The following CTNNA3 variants were observed in gnomAD, a reference collection of about 807,000 sequenced individuals.
CTNNA3 encodes the protein catenin alpha 3, also known as catenin alpha-3.
In CTNNA3, 76 loss-of-function variants were observed where a neutral mutation model predicts 95.7. The ratio of observed to expected loss-of-function variants is 0.79; its 90% CI spans 0.66 to 0.96. CTNNA3 has a LOEUF of 0.96. Among genes scored for constraint, CTNNA3 ranks in the 40% least tolerant of loss-of-function variants. The pLI is 0.00. For missense variants in CTNNA3, 1,191 were observed against 1,089.8 expected (o/e 1.09, Z -1.31); for synonymous variants, 431 against 374.4 (o/e 1.15, Z -1.74).
intron 8 of CTNNA3, among the ~76,000 whole-genome samples, chr10:66,767,840 T>C (rs1041281387): frequency 1.5e-4 from 23 of 152,216 alleles, no homozygotes; most frequent in African/African-American, 5.5e-4. Context: ...AGAAGCATTG[T>C]GAAATTTTCT....
chr10:65,949,742 C>T (rs1196178674), intron 17 of CTNNA3, among the ~76,000 whole-genome samples: 5 of 152,120 alleles, frequency 3.3e-5, no homozygotes, highest in South Asian at 4.2e-4. Context: ...CAGTTATTAG[C>T]GATTGGTTGT....
rs573563591 is a variant in CTNNA3 at position 67,641,331 on chromosome 10, G to A, written c.99+6084C>T. Among the ~76,000 whole-genome samples the A allele has an allele frequency of 2.0e-5, 3 of 152,222 alleles. No individual in the cohort carries two copies. The East Asian group carries it at 5.8e-4, about 29-fold the overall frequency. ...GATACCATCTCACACCAGTTAGAAT[G>A]GCAATCATTAAAAAGTCAGGAAAAA... On this transcript the variant is annotated intron_variant, in intron 2 of 17. Transcript: ENST00000433211.
At chr10:67,338,229 A>T (rs1842062034) in intron 5 of CTNNA3, among the ~76,000 whole-genome samples, 1 of 152,134 alleles carries the variant, frequency 6.6e-6, no homozygotes, top group South Asian at 2.1e-4. Context: ...GGCTTCAGTG[A>T]GCTTACAGTC....
rs186720910 is a variant in CTNNA3, at chr10:67,141,195, T to C, written c.1047+39122A>G. 5.0e-4 allele frequency among the ~76,000 whole-genome samples: 76 copies of C among 152,334 alleles called. 1 individual carries two copies. The highest frequency in any genetic ancestry group is 1.8e-3 in the African/African-American group (75 of 41,576). On this transcript the variant is annotated intron_variant, in intron 7 of 17. Coordinates refer to ENST00000433211, the MANE Select transcript of CTNNA3 (RefSeq NM_013266.4). ...GCTCTGTCATTTAACCATAGTCTAATTATCCAGCTCTATATATTACCATAA... is the reference window on the plus strand; with the variant it reads ...GCTCTGTCATTTAACCATAGTCTAACTATCCAGCTCTATATATTACCATAA...
At chr10:67,085,214 C>T (rs17280801) in intron 7 of CTNNA3, among the ~76,000 whole-genome samples, 1 of 151,740 alleles carries the variant, frequency 6.6e-6, no homozygotes, top group Non-Finnish European at 1.5e-5. Flanking sequence ...TTGTTTTGAT[C>T]AAAGCCATAG....
intron 7 of CTNNA3, among the ~76,000 whole-genome samples, chr10:66,840,676 C>T (rs1843037331): frequency 6.6e-6 from 1 of 152,126 alleles, no homozygotes; most frequent in African/African-American, 2.4e-5. Context: ...TATTTGCTTT[C>T]AATGTAGAAT....
intron 7 of CTNNA3, among the ~76,000 whole-genome samples, chr10:67,079,859 ACAC>A (rs1856956898): frequency 3.2e-4 from 1 of 3,152 alleles, no homozygotes; most frequent in East Asian, 0.017. Flanking sequence ...AAAAAACAAA[ACAC>A]ACACACACAC....
chr10:66,838,655 C>T (rs554119267), intron 7 of CTNNA3, among the ~76,000 whole-genome samples: 6 of 152,088 alleles, frequency 3.9e-5, no homozygotes, highest in African/African-American at 9.7e-5. Flanking sequence ...CTAGCCTTTA[C>T]GGTTCTCTAG....
intron 5 of CTNNA3, among the ~76,000 whole-genome samples, chr10:67,342,655 T>C (rs1842254517): frequency 6.6e-6 from 1 of 152,206 alleles, no homozygotes; most frequent in Non-Finnish European, 1.5e-5. Flanking sequence ...CTTCTGTACA[T>C]GGATATCCAG....
intron 7 of CTNNA3, among the ~76,000 whole-genome samples, chr10:67,136,717 T>C (rs1230995542): frequency 5.3e-5 from 8 of 152,268 alleles, no homozygotes; most frequent in Middle Eastern, 3.4e-3. Context: ...CCTCCAACTA[T>C]ACTGAACTTC....
At chr10:67,338,119 A>T (rs1842058962) in intron 5 of CTNNA3, among the ~76,000 whole-genome samples, 1 of 152,190 alleles carries the variant, frequency 6.6e-6, no homozygotes, top group Non-Finnish European at 1.5e-5. Flanking sequence ...CTGTAAAGAA[A>T]TACCCAAGGC....
intron 6 of CTNNA3, among the ~76,000 whole-genome samples, chr10:67,183,496 A>C (rs971292825): frequency 4.0e-5 from 6 of 151,812 alleles, no homozygotes; most frequent in Non-Finnish European, 8.8e-5. Flanking sequence ...CAATGAGAAC[A>C]CATGGACACA....
At chr10:66,302,886 C>T (rs2091883153) in intron 12 of CTNNA3, among the ~76,000 whole-genome samples, 1 of 152,088 alleles carries the variant, frequency 6.6e-6, no homozygotes, top group African/African-American at 2.4e-5. Flanking sequence ...AAATTAGATC[C>T]ATTTCAGGAA....
chr10:67,301,986 AGAAAGAACGAAAGAAC>A lies in CTNNA3; in HGVS notation c.580-82132_580-82117del, dbSNP rs1377628891. 2.5e-4 allele frequency among the ~76,000 whole-genome samples: 22 copies of A among 86,964 alleles called. 3 individuals carry two copies. Among genetic ancestry groups the A allele is most frequent in the African/African-American group, 7.7e-4 (8 of 10,364 alleles). The allele number at this position is 86,964 out of a possible 152,430, so 57.1% of individuals were successfully genotyped here. On this transcript the variant is annotated intron_variant, in intron 5 of 17. Coordinates refer to ENST00000433211, the MANE Select transcript of CTNNA3 (RefSeq NM_013266.4). ...TCGTCAAGAAAGAAAAAAGAAAGAAAGAAAGAACGAAAGAACGAAAGAAAGAAAGAAAGAAAGAAAG... is the reference window on the plus strand; with the variant it reads ...TCGTCAAGAAAGAAAAAAGAAAGAAAGAAAGAAAGAAAGAAAGAAAGAAAG...
intron 7 of CTNNA3, among the ~76,000 whole-genome samples, chr10:66,934,505 C>A (rs1463307856): frequency 1.3e-5 from 2 of 152,160 alleles, no homozygotes; most frequent in African/African-American, 4.8e-5. Flanking sequence ...TTAAAGCTGG[C>A]TGACACTTCT....
intron 10 of CTNNA3, among the ~76,000 whole-genome samples, chr10:66,619,943 G>A (rs919448877): frequency 1.3e-5 from 2 of 152,042 alleles, no homozygotes; most frequent in African/African-American, 4.8e-5. Context: ...TGAAACAATG[G>A]TAGAATTTCA....
At chr10:66,494,559 A>C (rs1296417210) in intron 11 of CTNNA3, among the ~76,000 whole-genome samples, 4 of 152,192 alleles carry the variant, frequency 2.6e-5, no homozygotes, top group Admixed American at 2.6e-4. Context: ...ACATTGGGTA[A>C]TAGGCCACCC....
chr10:66,068,382 T>C (rs530303755), intron 15 of CTNNA3, among the ~76,000 whole-genome samples: 9 of 152,270 alleles, frequency 5.9e-5, no homozygotes, highest in African/African-American at 2.2e-4. Context: ...TTTTTTGAAG[T>C]TCAATTTAAC....
chr10:67,669,416 AATG>A (rs1285189556), intron 1 of CTNNA3, among the ~76,000 whole-genome samples: 1 of 152,210 alleles, frequency 6.6e-6, no homozygotes, highest in African/African-American at 2.4e-5. Context: ...CTATAGAAGG[AATG>A]AGGCAGCCAC....
Sources: allele counts gnomAD v4.1 joint callset (sites outside exome capture counted in the v4.1 genomes callset), GRCh38; gene constraint gnomAD v4.1.1; transcripts MANE v1.5; gene names NCBI Gene and HGNC (gene_info 2026-07-23, HGNC 2026-07-21).